Variants in DLGAP1 observed in about 807,000 individuals in gnomAD.
DLGAP1 encodes the protein DLG associated protein 1, also known as disks large-associated protein 1.
Under a neutral mutation model 90.8 loss-of-function variants are expected in DLGAP1, and 11 were observed. The observed-to-expected ratio is 0.12, with a 90% CI of 0.08 to 0.20. The LOEUF (loss-of-function observed/expected upper bound fraction) is 0.20. DLGAP1 is among the 10% of genes least tolerant of loss of function. The probability of loss-of-function intolerance (pLI) is 1.00; values close to 1 mark genes in which losing one functional copy is unlikely to be tolerated. For synonymous variants in DLGAP1, 558 were observed against 540.7 expected, an observed-to-expected ratio of 1.03 and a Z score of -0.44; for missense variants, 1,050 against 1,333.8, an observed-to-expected ratio of 0.79 and a Z score of 3.31.
Position 4,339,704 on chromosome 18 carries a change from C to T in DLGAP1, c.-267+115302G>A, listed in dbSNP as rs142052259. Among the ~76,000 whole-genome samples the T allele has an allele frequency of 9.8e-3, 1,490 of 152,204 alleles. 15 individuals carry two copies. Among genetic ancestry groups the T allele is most frequent in the Non-Finnish European group, 0.014 (977 of 68,000 alleles). On this transcript the variant is annotated intron_variant, in intron 1 of 12. Coordinates refer to ENST00000315677, the MANE Select transcript of DLGAP1 (RefSeq NM_004746.4). Reference sequence around the variant, plus strand: ...TCTCTGAAACCAATGCCAAGGAACTCTGAATCTTCCAGACTCAGTTATCCA... The same window carrying T: ...TCTCTGAAACCAATGCCAAGGAACTTTGAATCTTCCAGACTCAGTTATCCA...
chr18:4,010,780 C>T (rs2074403139), intron 2 of DLGAP1, among the ~76,000 whole-genome samples: 2 of 151,986 alleles, frequency 1.3e-5, no homozygotes, highest in East Asian at 3.9e-4. Context: ...TTTTCCTGTC[C>T]CTTATTCTCA....
intron 1 of DLGAP1, among the ~76,000 whole-genome samples, chr18:4,346,121 T>G (rs1195290841): frequency 6.6e-6 from 1 of 152,228 alleles, no homozygotes; most frequent in Non-Finnish European, 1.5e-5. Context: ...ACTTTTGCAA[T>G]GTTACTCATA....
intron 3 of DLGAP1, among the ~76,000 whole-genome samples, chr18:3,975,263 C>A (rs2073546304): frequency 6.6e-6 from 1 of 152,050 alleles, no homozygotes; most frequent in Non-Finnish European, 1.5e-5. Context: ...ACTAACAAAA[C>A]AAACATCCCC....
At chr18:3,897,017 C>A (rs2071641288) in intron 3 of DLGAP1, 1 of 152,266 alleles carries the variant, frequency 6.6e-6, no homozygotes. Flanking sequence ...CACATTTCTA[C>A]ACCGCTGTCC....
intron 2 of DLGAP1, among the ~76,000 whole-genome samples, chr18:4,089,152 C>T (rs570972439): frequency 7.1e-6 from 1 of 141,154 alleles, no homozygotes; most frequent in Non-Finnish European, 1.6e-5. Context: ...TTCCTATACA[C>T]CAACAATAGA....
At chr18:3,643,509 A>G (rs1029126219) in intron 7 of DLGAP1, among the ~76,000 whole-genome samples, 1 of 151,896 alleles carries the variant, frequency 6.6e-6, no homozygotes, top group African/African-American at 2.4e-5. Flanking sequence ...TAAAAATACA[A>G]AAAATTAGCC....
intron 2 of DLGAP1, among the ~76,000 whole-genome samples, chr18:4,016,437 T>G (rs1243813801): frequency 2.0e-5 from 3 of 152,180 alleles, no homozygotes; most frequent in Non-Finnish European, 4.4e-5. Context: ...ATGGGTAGGA[T>G]ACACAGAAAA....
At chr18:3,636,137 C>T (rs1349684357) in intron 7 of DLGAP1, among the ~76,000 whole-genome samples, 1 of 151,084 alleles carries the variant, frequency 6.6e-6, no homozygotes, top group African/African-American at 2.4e-5. Context: ...TGCAACCCTT[C>T]TGCTTGGAGT....
intron 1 of DLGAP1, among the ~76,000 whole-genome samples, chr18:4,446,310 T>G (rs1386450295): frequency 1.3e-5 from 2 of 152,112 alleles, no homozygotes; most frequent in Non-Finnish European, 2.9e-5. Flanking sequence ...TTTGAGGAGT[T>G]TCATGATGAC....
chr18:3,580,616 T>A, intron 8 of DLGAP1: 1 of 1,590,450 alleles, frequency 6.3e-7, no homozygotes, highest in African/African-American at 1.3e-5. Context: ...ACTGGAAGAA[T>A]GTGCCGGTGA....
chr18:4,018,165 G>T (rs867651769), intron 2 of DLGAP1, among the ~76,000 whole-genome samples: 1 of 152,194 alleles, frequency 6.6e-6, no homozygotes, highest in Non-Finnish European at 1.5e-5. Context: ...TTCCATGGAG[G>T]TCTGATTGTG....
rs1014474760 is a variant in DLGAP1, at chr18:4,414,567, A to C, written c.-267+40439T>G. 9.2e-5 allele frequency among the ~76,000 whole-genome samples: 14 copies of C among 152,148 alleles called. No individual in the cohort carries two copies. In the East Asian group the frequency reaches 9.7e-4, roughly 11 times the overall value. ...AGTGAAACCCAATCTCTACTAAATA[A>C]ATACAAAAATTAGCCAGGCATGGTG... On this transcript the variant is annotated intron_variant, in intron 1 of 12. Transcript: ENST00000315677.
intron 9 of DLGAP1, among the ~76,000 whole-genome samples, chr18:3,563,990 T>G (rs937679118): frequency 6.6e-6 from 1 of 152,224 alleles, no homozygotes; most frequent in African/African-American, 2.4e-5. Context: ...CTTCTTTCAT[T>G]AGAGCCCTTA....
chr18:4,231,023 T>C (rs932056158), intron 1 of DLGAP1, among the ~76,000 whole-genome samples: 1 of 152,126 alleles, frequency 6.6e-6, no homozygotes, highest in South Asian at 2.1e-4. Flanking sequence ...GAATCCACTT[T>C]GGTTTGTTTC....
intron 7 of DLGAP1, among the ~76,000 whole-genome samples, chr18:3,590,884 A>C (rs2056199302): frequency 6.6e-6 from 1 of 152,124 alleles, no homozygotes; most frequent in Non-Finnish European, 1.5e-5. Context: ...AAAAAAAAAA[A>C]CAAAGAAAAT....
chr18:4,022,483 G>C (rs975813719), intron 2 of DLGAP1, among the ~76,000 whole-genome samples: 1 of 151,780 alleles, frequency 6.6e-6, no homozygotes, highest in Non-Finnish European at 1.5e-5. Context: ...AATTTACATA[G>C]ATGATACTGT....
intron 1 of DLGAP1, among the ~76,000 whole-genome samples, chr18:4,434,953 G>A (rs1276680605): frequency 6.6e-6 from 1 of 152,170 alleles, no homozygotes; most frequent in African/African-American, 2.4e-5. Flanking sequence ...AAGAGTTAAG[G>A]CTGGAAAATT....
intron 10 of DLGAP1, among the ~76,000 whole-genome samples, chr18:3,524,792 T>A (rs1447454451): frequency 6.6e-6 from 1 of 152,206 alleles, no homozygotes; most frequent in Non-Finnish European, 1.5e-5. Context: ...GGATTATCCA[T>A]GTGGAGACAT....
At chr18:3,646,286 C>T (rs541261713) in intron 7 of DLGAP1, among the ~76,000 whole-genome samples, 115 of 152,074 alleles carry the variant, frequency 7.6e-4, no homozygotes, top group African/African-American at 2.7e-3. Flanking sequence ...CCCAGCTACT[C>T]GGGAGGCTGA....
Sources: gnomAD v4.1 joint callset for allele counts (sites outside exome capture counted in the v4.1 genomes callset) on GRCh38, gnomAD v4.1.1 for gene constraint, MANE v1.5 for transcripts, NCBI Gene and HGNC (gene_info 2026-07-23, HGNC 2026-07-21) for gene names.